KIF13A: variants seen among roughly 807,000 people sequenced by gnomAD.
The protein encoded by KIF13A is kinesin family member 13A.
A neutral mutation model predicts 212.2 loss-of-function variants in KIF13A; 79 were observed. The observed-to-expected ratio is 0.37, with a 90% CI of 0.31 to 0.45. The LOEUF is 0.45. KIF13A is among the 20% of genes least tolerant of loss of function. The probability of loss-of-function intolerance (pLI) is 1.00; values close to 1 mark genes in which losing one functional copy is unlikely to be tolerated. For synonymous variants in KIF13A, 789 were observed against 808.6 expected (o/e 0.98, Z 0.41); for missense variants, 1,901 against 2,209.0 (o/e 0.86, Z 2.79).
At chr6:17,835,569 T>C (rs1765880348) in intron 11 of KIF13A, among the ~76,000 whole-genome samples, 1 of 152,182 alleles carries the variant, frequency 6.6e-6, no homozygotes, top group Non-Finnish European at 1.5e-5. Context: ...ATGTGCAAGG[T>C]ATTGTGGTAA....
Position 17,892,008 on chromosome 6 carries a change from A to C in KIF13A, c.159+6160T>G, listed in dbSNP as rs1257079608. Among the ~76,000 whole-genome samples, 2 of 151,858 alleles carry C rather than the reference A, an allele frequency of 1.3e-5. No homozygotes were observed. The highest frequency in any genetic ancestry group is 4.8e-5 in the African/African-American group (2 of 41,312). ...TCTTCCTCCACTTCCTACTCTCTTC[A>C]CCCCAATAATTTACCTGATCTTTGT... On this transcript the variant is annotated intron_variant, in intron 3 of 38. Transcript: ENST00000259711. The surrounding 1 kb of genome is among the most constrained non-coding windows in gnomAD (Gnocchi z 4.7).
In KIF13A at chr6:17,771,260, G is replaced by A. The variant is rs776490971; in HGVS notation, c.4477-42C>T. 6 of 1,290,068 alleles carry A rather than the reference G, an allele frequency of 4.7e-6. No individual in the cohort carries two copies. The highest frequency in any genetic ancestry group is 1.2e-5 in the South Asian group (1 of 81,218). 79.9% of individuals were successfully genotyped at this position (1,290,068 alleles called of 1,614,324 possible). A position where few individuals can be genotyped will look rare whatever the true frequency, so the allele number is the denominator to read the frequency against. ...ACACAGATGCATCACACACAAAGACGACAACGGCCAAAATACATATTAAGT... is the reference window on the plus strand; with the variant it reads ...ACACAGATGCATCACACACAAAGACAACAACGGCCAAAATACATATTAAGT... On this transcript the variant is annotated intron_variant, in intron 37 of 38. Coordinates refer to ENST00000259711, the MANE Select transcript of KIF13A (RefSeq NM_022113.6). The surrounding 1 kb of genome is among the most constrained non-coding windows in gnomAD (Gnocchi z 5.4).
chr6:17,926,123 T>C lies in KIF13A; in HGVS notation c.147-27943A>G, dbSNP rs1395995841. Among the ~76,000 whole-genome samples, 2 of 152,196 alleles carry C rather than the reference T, an allele frequency of 1.3e-5. No homozygotes were observed. The highest frequency in any genetic ancestry group is 4.8e-5 in the African/African-American group (2 of 41,438). ...AAAGTAGTCATCATGTCCACGGTCC[T>C]ACTAATTCTGAAAAGAAATGCATTG... On this transcript the variant is annotated intron_variant, in intron 2 of 38. Coordinates refer to ENST00000259711, the MANE Select transcript of KIF13A (RefSeq NM_022113.6). This position sits in a 1 kb window ranked among gnomAD's most constrained non-coding sequence, Gnocchi z 4.3.
chr6:17,979,781 A>G (rs1242080408), intron 2 of KIF13A, among the ~76,000 whole-genome samples: 1 of 151,676 alleles, frequency 6.6e-6, no homozygotes, highest in Non-Finnish European at 1.5e-5. Flanking sequence ...AAAAAAAAAG[A>G]GAGACTAAAA....
intron 31 of KIF13A, 134 bp downstream of exon 31, chr6:17,780,596 G>C (rs1036880111): frequency 1.9e-5 from 15 of 777,592 alleles, no homozygotes; most frequent in Non-Finnish European, 2.9e-5. Flanking sequence ...GGATAAATGA[G>C]AATCAGACTA....
chr6:17,766,389 G>A (rs1350386782), intron 38 of KIF13A, among the ~76,000 whole-genome samples: 3 of 151,444 alleles, frequency 2.0e-5, no homozygotes, highest in Admixed American at 1.3e-4. Context: ...ACAGGCATGC[G>A]CCAGCATGCC....
At chr6:17,901,605 G>C (rs978814810) in intron 2 of KIF13A, among the ~76,000 whole-genome samples, 4 of 152,088 alleles carry the variant, frequency 2.6e-5, no homozygotes, top group African/African-American at 9.7e-5. Context: ...TAATTTATTT[G>C]CTTGCCTTCT....
At position 17,825,755 on chromosome 6, in the gene KIF13A, G is replaced by A; in HGVS notation, c.1786+13C>T. 6.2e-7 allele frequency: 1 copy of A among 1,609,710 alleles called. No individual in the cohort carries two copies. Among genetic ancestry groups the A allele is most frequent in the Non-Finnish European group, 8.5e-7 (1 of 1,177,656 alleles). ...AATGCCCAAGGCGCTGGAACACAGA[G>A]TGAGGGTCTTACCATTACTATTCAG... is the stretch of plus-strand genomic sequence containing the variant. On this transcript the variant is annotated intron_variant, in intron 16 of 38. Coordinates refer to ENST00000259711, the MANE Select transcript of KIF13A (RefSeq NM_022113.6). This position sits in a 1 kb window ranked among gnomAD's most constrained non-coding sequence, Gnocchi z 4.5.
chr6:17,804,051 C>G (rs1469639822), intron 20 of KIF13A, among the ~76,000 whole-genome samples: 1 of 152,146 alleles, frequency 6.6e-6, no homozygotes, highest in Non-Finnish European at 1.5e-5. Context: ...ACTCGGGAGG[C>G]TGAGGCAAGA....
chr6:17,980,165 G>A (rs141776261), intron 2 of KIF13A, among the ~76,000 whole-genome samples: 1 of 152,020 alleles, frequency 6.6e-6, no homozygotes, highest in East Asian at 1.9e-4. Context: ...CACGTCCAAA[G>A]GATTAGAAAC....
At chr6:17,966,798 A>G (rs867045231) in intron 2 of KIF13A, among the ~76,000 whole-genome samples, 11 of 152,192 alleles carry the variant, frequency 7.2e-5, no homozygotes, top group African/African-American at 2.7e-4. Flanking sequence ...ATAATAACAC[A>G]CACTAAGAAA....
intron 2 of KIF13A, among the ~76,000 whole-genome samples, chr6:17,910,752 T>G (rs1228867434): frequency 1.3e-5 from 2 of 152,012 alleles, no homozygotes; most frequent in African/African-American, 4.8e-5. Flanking sequence ...AAATTCAAGG[T>G]TTTTTTTGGT....
rs1215663011 is a variant in KIF13A, at chr6:17,802,933, TTTTTTTTTG to T, written c.2454+1419_2454+1427del. Among the ~76,000 whole-genome samples, 124 of 119,620 alleles carry T rather than the reference TTTTTTTTTG, an allele frequency of 1.0e-3. 1 individual carries two copies. The highest frequency in any genetic ancestry group is 8.7e-3 in the East Asian group (37 of 4,256). 78.5% of individuals were successfully genotyped at this position (119,620 alleles called of 152,430 possible). A position where few individuals can be genotyped will look rare whatever the true frequency, so the allele number is the denominator to read the frequency against. ...GGTTAATTTTTTTGTGTTTTTTTTGTTTTTTTTTGTTTTGTTTTGAGACAGAATCTTGCT... is the reference window on the plus strand; with the variant it reads ...GGTTAATTTTTTTGTGTTTTTTTTGTTTTTGTTTTGAGACAGAATCTTGCT... On this transcript the variant is annotated intron_variant, in intron 20 of 38. Coordinates refer to ENST00000259711, the MANE Select transcript of KIF13A (RefSeq NM_022113.6).
rs950637185 is a variant in KIF13A, at chr6:17,769,506, C to T, written c.4581+1608G>A. On this transcript the variant is annotated intron_variant, in intron 38 of 38. Transcript: ENST00000259711. The surrounding 1 kb of genome is among the most constrained non-coding windows in gnomAD (Gnocchi z 5.8). Reference sequence around the variant, plus strand: ...CTGGTTCCATCCTTCTCTCTGCTAGCTGAAAGCCCCGAGATGGGTTTTATT... The same window carrying T: ...CTGGTTCCATCCTTCTCTCTGCTAGTTGAAAGCCCCGAGATGGGTTTTATT... Among the ~76,000 whole-genome samples the T allele has an allele frequency of 6.6e-6, 1 of 152,106 alleles. No homozygotes were observed. Among genetic ancestry groups the T allele is most frequent in the African/African-American group, 2.4e-5 (1 of 41,402 alleles).
intron 17 of KIF13A, among the ~76,000 whole-genome samples, chr6:17,810,755 T>C (rs1213975777): frequency 2.0e-5 from 3 of 152,184 alleles, no homozygotes; most frequent in Non-Finnish European, 4.4e-5. Flanking sequence ...ATAAGGAACA[T>C]GCAACCTAGA....
At chr6:17,774,773 CAAAAA>C (rs111818221) in intron 35 of KIF13A, among the ~76,000 whole-genome samples, 3 of 103,604 alleles carry the variant, frequency 2.9e-5, no homozygotes, top group Non-Finnish European at 4.2e-5. Flanking sequence ...AACTCTGTCT[CAAAAA>C]AAAAAAAAAA....
intron 3 of KIF13A, among the ~76,000 whole-genome samples, chr6:17,880,173 C>T (rs546209791): frequency 2.8e-4 from 43 of 152,100 alleles, no homozygotes; most frequent in Non-Finnish European, 5.7e-4. Context: ...AAGCTAGTCT[C>T]GAATTCTCCT....
Position 17,915,307 on chromosome 6 carries a change from T to C in KIF13A, c.147-17127A>G, listed in dbSNP as rs975843354. Among the ~76,000 whole-genome samples, 1 of 152,156 alleles carries C rather than the reference T, an allele frequency of 6.6e-6. No individual in the cohort carries two copies. Among genetic ancestry groups the C allele is most frequent in the Non-Finnish European group, 1.5e-5 (1 of 68,008 alleles). On this transcript the variant is annotated intron_variant, in intron 2 of 38. Transcript: ENST00000259711. This position sits in a 1 kb window ranked among gnomAD's most constrained non-coding sequence, Gnocchi z 4.4. Reference sequence around the variant, plus strand: ...TGCCTCCACCACTTTGTAGGGACCTTGGACCTGGTGCTTAAGCTCTCAGTG... The same window carrying C: ...TGCCTCCACCACTTTGTAGGGACCTCGGACCTGGTGCTTAAGCTCTCAGTG...
chr6:17,870,077 A>G (rs1230597902), intron 4 of KIF13A, among the ~76,000 whole-genome samples: 1 of 152,360 alleles, frequency 6.6e-6, no homozygotes, highest in Middle Eastern at 3.4e-3. Flanking sequence ...TAACGTATTT[A>G]CTAGGCAGAT....
Sources: gnomAD v4.1 joint callset for allele counts (sites outside exome capture counted in the v4.1 genomes callset) on GRCh38, gnomAD v4.1.1 for gene constraint, Gnocchi (gnomAD v3.1) non-coding constraint, MANE v1.5 for transcripts, NCBI Gene and HGNC (gene_info 2026-07-23, HGNC 2026-07-21) for gene names.